Variants in PTP4A2 observed in about 807,000 individuals in gnomAD.
PTP4A2 encodes protein tyrosine phosphatase 4A2.
Under a neutral mutation model 22.9 loss-of-function variants are expected in PTP4A2, and 2 were observed. That is an observed-to-expected ratio of 0.09 (90% CI 0.04 to 0.27). The LOEUF (loss-of-function observed/expected upper bound fraction) is 0.27. PTP4A2 is among the 10% of genes least tolerant of loss of function. The pLI is 1.00. For missense variants in PTP4A2, 103 were observed against 205.1 expected, an observed-to-expected ratio of 0.50 and a Z score of 3.04; for synonymous variants, 68 against 69.1, an observed-to-expected ratio of 0.98 and a Z score of 0.08.
At chr1:31,922,941 T>C (rs1460159987) in intron 1 of PTP4A2, among the ~76,000 whole-genome samples, 1 of 151,772 alleles carries the variant, frequency 6.6e-6, no homozygotes, top group Non-Finnish European at 1.5e-5. Flanking sequence ...TTTATCTTTT[T>C]TTTTTTTTGA....
intron 2 of PTP4A2, among the ~76,000 whole-genome samples, chr1:31,917,276 T>C (rs1651897547): frequency 6.6e-6 from 1 of 152,190 alleles, no homozygotes; most frequent in South Asian, 2.1e-4. Flanking sequence ...GCTCAGGGAA[T>C]TATAAGTATA....
chr1:31,922,437 T>G (rs1652201925), intron 1 of PTP4A2, among the ~76,000 whole-genome samples: 1 of 152,086 alleles, frequency 6.6e-6, no homozygotes, highest in Admixed American at 6.5e-5. Context: ...GAGCCAAGAT[T>G]GTGCCACTGC....
chr1:31,921,998 A>G (rs1395597490), intron 1 of PTP4A2, among the ~76,000 whole-genome samples: 1 of 152,224 alleles, frequency 6.6e-6, no homozygotes, highest in Non-Finnish European at 1.5e-5. Flanking sequence ...CGCTACAGTA[A>G]AAACACAAAA....
At chr1:31,930,282 G>A (rs1401894355) in intron 1 of PTP4A2, among the ~76,000 whole-genome samples, 1 of 152,130 alleles carries the variant, frequency 6.6e-6, no homozygotes, top group African/African-American at 2.4e-5. Flanking sequence ...GGAACCTGCA[G>A]TGAGCCGAGA....
At chr1:31,914,113 C>CTGGA (rs1346365778) in intron 3 of PTP4A2, 1 of 383,270 alleles carries the variant, frequency 2.6e-6, no homozygotes, top group Non-Finnish European at 5.2e-6. Flanking sequence ...GTCACCCAAG[C>CTGGA]TGGAGCACAG....
intron 1 of PTP4A2, among the ~76,000 whole-genome samples, chr1:31,937,182 T>C (rs1305470428): frequency 1.3e-5 from 2 of 151,954 alleles, no homozygotes; most frequent in Admixed American, 6.6e-5. Flanking sequence ...CATTGACAAA[T>C]TTGAAAATTT....
At chr1:31,909,228 T>C (rs1651402361) in intron 5 of PTP4A2, among the ~76,000 whole-genome samples, 1 of 152,182 alleles carries the variant, frequency 6.6e-6, no homozygotes, top group Non-Finnish European at 1.5e-5. Context: ...TTTCGTTTTC[T>C]TTTTTTAAAG....
chr1:31,925,058 T>C (rs1179879878), intron 1 of PTP4A2, among the ~76,000 whole-genome samples: 2 of 152,216 alleles, frequency 1.3e-5, no homozygotes, highest in Admixed American at 6.5e-5. Flanking sequence ...TATGCATTCA[T>C]GCACATGGGA....
At chr1:31,936,296 G>C (rs553104366) in intron 1 of PTP4A2, among the ~76,000 whole-genome samples, 1 of 151,808 alleles carries the variant, frequency 6.6e-6, no homozygotes, top group Non-Finnish European at 1.5e-5. Context: ...AAAATTAGCC[G>C]GGTGTGGTGG....
intron 3 of PTP4A2, chr1:31,914,435 C>T (rs755973653): frequency 5.5e-6 from 2 of 364,226 alleles, no homozygotes. Context: ...CATGAGGAAA[C>T]TATGGATCAG....
At chr1:31,925,147 CT>C (rs1458168078) in intron 1 of PTP4A2, among the ~76,000 whole-genome samples, 12 of 152,100 alleles carry the variant, frequency 7.9e-5, no homozygotes, top group African/African-American at 2.9e-4. Context: ...GGACTGAAGG[CT>C]GGAGGTCAAC....
chr1:31,913,813 G>C, intron 3 of PTP4A2: 1 of 456,132 alleles, frequency 2.2e-6, no homozygotes, highest in Non-Finnish European at 4.4e-6. Context: ...AACAGACTAT[G>C]GTCAATCCAG....
chr1:31,935,724 A>G (rs1415654231), intron 1 of PTP4A2: 2 of 152,224 alleles, frequency 1.3e-5, no homozygotes, highest in African/African-American at 2.4e-5. Flanking sequence ...CCTTTCTTGT[A>G]GTTGTGAGAA....
rs1462317913 is a variant in PTP4A2, at chr1:31,926,145, A to ATAT, written c.-593-6488_-593-6487insATA. ...TCCGTTTCAAAAAATTAAAAAAAAA[A>ATAT]AAAAATATATATATATATATATATT... On this transcript the variant is annotated intron_variant, in intron 1 of 5. Transcript: ENST00000647444. Among the ~76,000 whole-genome samples the ATAT allele has an allele frequency of 6.6e-4, 86 of 130,790 alleles. 1 individual carries two copies. The highest frequency in any genetic ancestry group is 1.8e-3 in the Admixed American group (24 of 13,168). 85.8% of individuals were successfully genotyped at this position (130,790 alleles called of 152,430 possible).
At chr1:31,909,012 T>G (rs775361473) in intron 5 of PTP4A2, 52 bp from the exon 6 acceptor site, 3 of 1,273,992 alleles carry the variant, frequency 2.4e-6, no homozygotes, top group South Asian at 2.4e-5. Context: ...AGCTGTCTGA[T>G]TCACTGAAAT....
rs781737488 is a variant in PTP4A2, at chr1:31,908,982, A to G, written c.396-22T>C. 20 of 1,536,706 alleles carry G rather than the reference A, an allele frequency of 1.3e-5. No homozygotes were observed. The East Asian group carries it at 4.0e-4, about 31-fold the overall frequency. On this transcript the variant is annotated intron_variant, in intron 5 of 5. Transcript: ENST00000647444. ...TTTTCTGAAAATACAAGAATGGCAA[A>G]CTTTATCATGTAAAAAAAGAGCTGT...
intron 5 of PTP4A2, among the ~76,000 whole-genome samples, chr1:31,909,642 A>T (rs1170088439): frequency 1.3e-5 from 2 of 151,984 alleles, no homozygotes; most frequent in South Asian, 4.2e-4. Flanking sequence ...ACTGCACTCC[A>T]GCTTGAGCAA....
Position 31,938,105 on chromosome 1 carries a change from G to C in PTP4A2, c.-712C>G, listed in dbSNP as rs1256280244. ...CGGTAGCGGTGGCGGCGGCGGCGAC[G>C]ACTCCCCCCCAGCCTCGGCGCGCGA... is the stretch of plus-strand genomic sequence containing the variant. On this transcript the variant is annotated 5_prime_UTR_variant, in exon 1 of 6. Coordinates refer to ENST00000647444, the MANE Select transcript of PTP4A2 (RefSeq NM_080391.4). This position sits in a 1 kb window ranked among gnomAD's most constrained non-coding sequence, Gnocchi z 4.4. The C allele has an allele frequency of 6.8e-6, 1 of 146,552 alleles. No individual in the cohort carries two copies. Among genetic ancestry groups the C allele is most frequent in the East Asian group, 2.1e-4 (1 of 4,832 alleles). 9.1% of individuals were successfully genotyped at this position (146,552 alleles called of 1,614,324 possible).
chr1:31,924,591 A>G (rs979463481), intron 1 of PTP4A2, among the ~76,000 whole-genome samples: 6 of 152,232 alleles, frequency 3.9e-5, no homozygotes, highest in Non-Finnish European at 8.8e-5. Context: ...AAATTCTCCT[A>G]AAGTTGTCTC....
Sources: allele counts gnomAD v4.1 joint callset (sites outside exome capture counted in the v4.1 genomes callset), GRCh38; gene constraint gnomAD v4.1.1; non-coding constraint Gnocchi (gnomAD v3.1); transcripts MANE v1.5; gene names NCBI Gene and HGNC (gene_info 2026-07-23, HGNC 2026-07-21).